The following CRY1 variants were observed in gnomAD, a reference collection of about 807,000 sequenced individuals.
CRY1 encodes the protein cryptochrome circadian regulator 1, also known as cryptochrome-1.
A neutral mutation model predicts 76.0 loss-of-function variants in CRY1; 45 were observed. The observed-to-expected ratio is 0.59, with a 90% CI of 0.47 to 0.76. The LOEUF (loss-of-function observed/expected upper bound fraction) is 0.76, where lower values mean the gene tolerates loss of function less well. Among genes scored for constraint, CRY1 ranks in the 30% least tolerant of loss-of-function variants. CRY1 has a pLI of 0.00. For missense variants in CRY1, 587 were observed against 716.4 expected, an observed-to-expected ratio of 0.82 and a Z score of 2.06; for synonymous variants, 248 against 244.0, an observed-to-expected ratio of 1.02 and a Z score of -0.15.
chr12:107,010,397 A>G (rs1427714834), intron 2 of CRY1, among the ~76,000 whole-genome samples: 1 of 152,192 alleles, frequency 6.6e-6, no homozygotes, highest in Non-Finnish European at 1.5e-5. Flanking sequence ...TTACAAGGGC[A>G]ACTCATTTTA....
At chr12:107,000,714 A>T (rs1326899087) in intron 5 of CRY1, among the ~76,000 whole-genome samples, 2 of 152,014 alleles carry the variant, frequency 1.3e-5, no homozygotes, top group African/African-American at 2.4e-5. Context: ...CAGTGGTACG[A>T]TCTTGGCTTA....
At chr12:107,054,499 T>C (rs1455799872) in intron 1 of CRY1, among the ~76,000 whole-genome samples, 1 of 151,020 alleles carries the variant, frequency 6.6e-6, no homozygotes, top group Non-Finnish European at 1.5e-5. Flanking sequence ...AAACACAAAA[T>C]AATATGACAA....
rs114676792 is a variant in CRY1 at position 107,091,807 on chromosome 12, G to A, written c.158+997C>T. Among the ~76,000 whole-genome samples, 705 of 152,014 alleles carry A rather than the reference G, an allele frequency of 4.6e-3. 4 individuals carry two copies. Among genetic ancestry groups the A allele is most frequent in the African/African-American group, 0.016 (663 of 41,436 alleles). On this transcript the variant is annotated intron_variant, in intron 1 of 12. Coordinates refer to ENST00000008527, the MANE Select transcript of CRY1 (RefSeq NM_004075.5). Reference sequence around the variant, plus strand: ...TGCCTTTTCCCTTACTCTTCCCTTTGCCTGGAATGGTCTTCCCTTAGATAT... The same window carrying A: ...TGCCTTTTCCCTTACTCTTCCCTTTACCTGGAATGGTCTTCCCTTAGATAT...
intron 1 of CRY1, among the ~76,000 whole-genome samples, chr12:107,037,191 G>T (rs1952743579): frequency 6.6e-6 from 1 of 152,042 alleles, no homozygotes; most frequent in African/African-American, 2.4e-5. Flanking sequence ...CAGACACATG[G>T]GACCTCATGA....
chr12:107,060,377 C>A (rs1284580536), intron 1 of CRY1, among the ~76,000 whole-genome samples: 1 of 152,124 alleles, frequency 6.6e-6, no homozygotes, highest in African/African-American at 2.4e-5. Context: ...TCTCTCTTGT[C>A]CTCTCTTTGC....
chr12:107,009,558 A>ACAAC (rs1555275534), intron 2 of CRY1, among the ~76,000 whole-genome samples: 2 of 48,390 alleles, frequency 4.1e-5, no homozygotes, highest in Non-Finnish European at 9.7e-5. Context: ...AAAAAAACAA[A>ACAAC]AAAACATATA....
chr12:107,036,879 C>T (rs1231192363), intron 1 of CRY1, among the ~76,000 whole-genome samples: 3 of 152,136 alleles, frequency 2.0e-5, no homozygotes, highest in Non-Finnish European at 4.4e-5. Context: ...GAGGCTCTCT[C>T]TGACCATCTT....
intron 1 of CRY1, among the ~76,000 whole-genome samples, chr12:107,040,981 C>T (rs919590238): frequency 9.9e-5 from 15 of 151,786 alleles, no homozygotes; most frequent in African/African-American, 3.6e-4. Flanking sequence ...AACTCTCAGT[C>T]TCAAGTGATC....
intron 10 of CRY1, among the ~76,000 whole-genome samples, chr12:106,995,832 G>A (rs964720342): frequency 3.3e-5 from 5 of 151,928 alleles, no homozygotes; most frequent in African/African-American, 1.2e-4. Context: ...ACAGACCCCA[G>A]CATGTGTGTT....
chr12:107,072,773 A>G (rs921824483), intron 1 of CRY1, among the ~76,000 whole-genome samples: 5 of 152,200 alleles, frequency 3.3e-5, no homozygotes, highest in Non-Finnish European at 7.4e-5. Flanking sequence ...TGTATTTCTT[A>G]TCTTCTTATG....
chr12:107,038,468 T>C (rs1266428850), intron 1 of CRY1, among the ~76,000 whole-genome samples: 1 of 151,974 alleles, frequency 6.6e-6, no homozygotes. Context: ...GAAGGAAAGA[T>C]GGATGGATTG....
rs555777643 is a variant in CRY1 at position 107,051,299 on chromosome 12, T to C, written c.159-29107A>G. ...TATCTTATTTAGGTAAAAAGTTACA[T>C]TTAGGCCTGTATTAATTTTTAAATA... On this transcript the variant is annotated intron_variant, in intron 1 of 12. Transcript: ENST00000008527. Among the ~76,000 whole-genome samples, 4 of 152,306 alleles carry C rather than the reference T, an allele frequency of 2.6e-5. No individual in the cohort carries two copies. The South Asian group carries it at 8.3e-4, about 32-fold the overall frequency.
rs753356731 is a variant in CRY1, at chr12:106,999,701, T to C, written c.987A>G (p.Lys329=). 3 of 1,614,110 alleles carry C rather than the reference T, an allele frequency of 1.9e-6. No homozygotes were observed. Among genetic ancestry groups the C allele is most frequent in the African/African-American group, 1.3e-5 (1 of 74,942 alleles). The stretch of plus-strand genomic sequence containing the variant: ...GAAAGCCTGTCCGGCCTTCCGCCCA[T>C]TTGGCTAAAGCCTCAGGATTTTTAT... The part of the protein sequence containing the change: ...PWDKNPEALA[K]WAEGRTGFPW... The change falls in exon 7 of 13, where the codon AAA becomes AAG. Residue 329 remains lysine, a synonymous_variant. Coordinates refer to ENST00000008527, the MANE Select transcript of CRY1 (RefSeq NM_004075.5).
At chr12:107,072,960 A>C (rs1470696497) in intron 1 of CRY1, 1 of 152,200 alleles carries the variant, frequency 6.6e-6, no homozygotes, top group African/African-American at 2.4e-5. Context: ...ATGATCCAAT[A>C]AGTAGTGTTG....
At chr12:107,038,967 C>G (rs1250198623) in intron 1 of CRY1, among the ~76,000 whole-genome samples, 1 of 151,994 alleles carries the variant, frequency 6.6e-6, no homozygotes, top group African/African-American at 2.4e-5. Context: ...CTGTATCATT[C>G]AACACAGAGT....
chr12:107,082,965 AAGAG>A (rs1473330327), intron 1 of CRY1, among the ~76,000 whole-genome samples: 1 of 152,090 alleles, frequency 6.6e-6, no homozygotes, highest in Admixed American at 6.6e-5. Flanking sequence ...TAATAAATAA[AAGAG>A]AGAAGAATCA....
At chr12:107,038,995 A>G (rs1352462551) in intron 1 of CRY1, among the ~76,000 whole-genome samples, 1 of 152,112 alleles carries the variant, frequency 6.6e-6, no homozygotes, top group Non-Finnish European at 1.5e-5. Context: ...GTGGTGGTGC[A>G]TGCCTGTAAT....
At chr12:107,051,499 T>C (rs1239943116) in intron 1 of CRY1, among the ~76,000 whole-genome samples, 1 of 152,134 alleles carries the variant, frequency 6.6e-6, no homozygotes, top group Non-Finnish European at 1.5e-5. Context: ...AATAAGAAGA[T>C]ACAGAATTCC....
At position 107,028,137 on chromosome 12, in the gene CRY1, GA is replaced by G. The variant is rs1198562455; in HGVS notation, c.159-5946del. Among the ~76,000 whole-genome samples the G allele has an allele frequency of 2.0e-5, 3 of 151,864 alleles. 1 individual carries two copies. Among genetic ancestry groups the G allele is most frequent in the African/African-American group, 7.3e-5 (3 of 41,358 alleles). On this transcript the variant is annotated intron_variant, in intron 1 of 12. Coordinates refer to ENST00000008527, the MANE Select transcript of CRY1 (RefSeq NM_004075.5). ...CCACATAAAACAAGAGTTAAATGTAGAAAAAACTAAAGTTCTGTATACACCA... is the reference window on the plus strand; with the variant it reads ...CCACATAAAACAAGAGTTAAATGTAGAAAAACTAAAGTTCTGTATACACCA...
Sources: allele counts gnomAD v4.1 joint callset (sites outside exome capture counted in the v4.1 genomes callset), GRCh38; gene constraint gnomAD v4.1.1; transcripts MANE v1.5; gene names NCBI Gene and HGNC (gene_info 2026-07-23, HGNC 2026-07-21).